The following WDR64 variants were observed in gnomAD, a reference collection of about 807,000 sequenced individuals.
The protein encoded by WDR64 is WD repeat domain 64, also known as WD repeat-containing protein 64.
In WDR64, 112 loss-of-function variants were observed where a neutral mutation model predicts 139.3. The observed-to-expected ratio is 0.80, with a 90% CI of 0.69 to 0.94. The LOEUF is 0.94. Among genes scored for constraint, WDR64 ranks in the 40% least tolerant of loss-of-function variants. The pLI, the probability that WDR64 is intolerant of heterozygous loss-of-function variation, is 0.00. For missense variants in WDR64, 1,206 were observed against 1,293.1 expected (o/e 0.93, Z 1.03); for synonymous variants, 444 against 437.7 (o/e 1.01, Z -0.18).
chr1:241,742,956 A>G (rs1285837049), intron 12 of WDR64, among the ~76,000 whole-genome samples: 1 of 152,150 alleles, frequency 6.6e-6, no homozygotes, highest in Non-Finnish European at 1.5e-5. Flanking sequence ...CATGCCCTCC[A>G]AAAGGAGACG....
At chr1:241,763,961 C>T (rs926286417) in intron 15 of WDR64, among the ~76,000 whole-genome samples, 1 of 152,098 alleles carries the variant, frequency 6.6e-6, no homozygotes, top group African/African-American at 2.4e-5. Flanking sequence ...AAAGAACTAT[C>T]AGGAGTTAGC....
At position 241,675,278 on chromosome 1, in the gene WDR64, C is replaced by T. The variant is rs568789592; in HGVS notation, c.483+531C>T. On this transcript the variant is annotated intron_variant, in intron 4 of 27. Transcript: ENST00000437684. ...TTCCTCCCTCCCTTCCTCCCTTCCT[C>T]TCTCTCCTCCTCCCCTCCTCTCTTC... Among the ~76,000 whole-genome samples the T allele has an allele frequency of 2.4e-3, 315 of 131,160 alleles. 1 individual carries two copies. The highest frequency in any genetic ancestry group is 8.9e-3 in the African/African-American group (300 of 33,672). 86.0% of individuals were successfully genotyped at this position (131,160 alleles called of 152,430 possible). A position where few individuals can be genotyped will look rare whatever the true frequency, so the allele number is the denominator to read the frequency against.
chr1:241,683,864 T>TACACACACAC (rs11473073), intron 7 of WDR64, among the ~76,000 whole-genome samples, 163 bp downstream of exon 7: 2,695 of 145,526 alleles, frequency 0.019, 25 homozygotes, highest in East Asian at 0.039. Context: ...TGTTCATGTA[T>TACACACACAC]ACACACACAC....
At chr1:241,749,788 G>A in intron 14 of WDR64, 66 bp downstream of exon 14, 3 of 1,550,020 alleles carry the variant, frequency 1.9e-6, no homozygotes, top group Non-Finnish European at 2.6e-6. Flanking sequence ...TGAGTCAGTG[G>A]ATAATCCCCA....
intron 4 of WDR64, chr1:241,677,423 T>C (rs1451092813): frequency 2.5e-6 from 1 of 398,496 alleles, no homozygotes; most frequent in African/African-American, 2.1e-5. Context: ...GCTTTAGTGA[T>C]CTCTCTGATC....
intron 8 of WDR64, among the ~76,000 whole-genome samples, chr1:241,690,049 G>C (rs1034740911): frequency 6.6e-5 from 10 of 152,090 alleles, no homozygotes; most frequent in African/African-American, 2.4e-4. Flanking sequence ...TAATGACTAA[G>C]AATGTCCACA....
chr1:241,727,644 C>T (rs1012804615), intron 10 of WDR64, among the ~76,000 whole-genome samples: 6 of 152,194 alleles, frequency 3.9e-5, no homozygotes, highest in African/African-American at 1.4e-4. Context: ...CAAGGAGGAC[C>T]AGGGCCCTGC....
intron 3 of WDR64, among the ~76,000 whole-genome samples, chr1:241,672,994 C>G (rs1002648710): frequency 3.3e-5 from 5 of 152,088 alleles, no homozygotes; most frequent in African/African-American, 1.2e-4. Flanking sequence ...TCTTTTCCAG[C>G]TTCTGCATTT....
At chr1:241,676,317 A>G (rs1282088037) in intron 4 of WDR64, 1 of 152,224 alleles carries the variant, frequency 6.6e-6, no homozygotes, top group Non-Finnish European at 1.5e-5. Flanking sequence ...TTGCTGTTTA[A>G]GTGAGTTAAT....
chr1:241,663,314 C>T (rs1665904107), intron 2 of WDR64, among the ~76,000 whole-genome samples: 1 of 152,254 alleles, frequency 6.6e-6, no homozygotes, highest in South Asian at 2.1e-4. Context: ...TGACCCCCGT[C>T]CCTTCTTTTG....
intron 10 of WDR64, among the ~76,000 whole-genome samples, chr1:241,728,834 T>TTG (rs921105666): frequency 2.0e-5 from 3 of 150,234 alleles, no homozygotes; most frequent in African/African-American, 4.9e-5. Context: ...TTTTTTTTTT[T>TTG]CTATGAAGGG....
intron 10 of WDR64, among the ~76,000 whole-genome samples, chr1:241,738,009 TACAAAG>T (rs1023644783): frequency 6.6e-6 from 1 of 152,170 alleles, no homozygotes; most frequent in Non-Finnish European, 1.5e-5. Flanking sequence ...TCATCCATAA[TACAAAG>T]AGAAATGTGA....
chr1:241,709,518 G>A (rs1227778996), intron 8 of WDR64, among the ~76,000 whole-genome samples: 2 of 152,146 alleles, frequency 1.3e-5, no homozygotes, highest in African/African-American at 4.8e-5. Context: ...GGAGGTTGAG[G>A]CAGGAGGATC....
Position 241,769,490 on chromosome 1 carries a change from C to T in WDR64, c.2168C>T (p.Thr723Ile), listed in dbSNP as rs1316264367. The T allele has an allele frequency of 3.9e-6, 6 of 1,551,190 alleles. No homozygotes were observed. In the Admixed American group the frequency reaches 9.8e-5, roughly 25 times the overall value. ...AATGACATACTGTTCCTCTTTCGTACCCCTGAATGTGCAAGGTAACTCGTT... is the reference window on the plus strand; with the variant it reads ...AATGACATACTGTTCCTCTTTCGTATCCCTGAATGTGCAAGGTAACTCGTT... ...KINDILFLFR[T>I]PECARRSSQD... is the part of the protein sequence containing the mutation. The change falls in exon 17 of 28, where the codon ACC (threonine) becomes ATC (isoleucine). Residue 723 changes from threonine to isoleucine, a missense_variant. Coordinates refer to ENST00000437684, the MANE Select transcript of WDR64 (RefSeq NM_001367482.1).
chr1:241,778,739 G>A (rs1658748053), intron 21 of WDR64, among the ~76,000 whole-genome samples: 1 of 151,982 alleles, frequency 6.6e-6, no homozygotes, highest in South Asian at 2.1e-4. Context: ...ATTAGCCTGT[G>A]CCTATTTTCA....
At chr1:241,683,846 A>G in intron 7 of WDR64, 145 bp downstream of exon 7, 2 of 623,182 alleles carry the variant, frequency 3.2e-6, no homozygotes, top group East Asian at 3.3e-5. Flanking sequence ...ACAATTAATT[A>G]TAGTCATTGT....
chr1:241,732,474 C>T (rs1574051209), intron 10 of WDR64, among the ~76,000 whole-genome samples: 3 of 152,198 alleles, frequency 2.0e-5, no homozygotes, highest in Admixed American at 2.0e-4. Context: ...GTTGTATCTT[C>T]TTATAAATCA....
At position 241,795,995 on chromosome 1, in the gene WDR64, C is replaced by T. The variant is rs76794810; in HGVS notation, c.3079-262C>T. Among the ~76,000 whole-genome samples, 253 of 152,150 alleles carry T rather than the reference C, an allele frequency of 1.7e-3. 1 individual carries two copies. Among genetic ancestry groups the T allele is most frequent in the African/African-American group, 5.9e-3 (247 of 41,516 alleles). On this transcript the variant is annotated intron_variant, in intron 26 of 27. Transcript: ENST00000437684. ...GAATGCAGTGTCTCACACCTGTAAC[C>T]CTGGGATTTTGGGAGGCAGAGGCAA...
chr1:241,701,799 TAG>T (rs1667721313), intron 8 of WDR64, among the ~76,000 whole-genome samples: 1 of 152,238 alleles, frequency 6.6e-6, no homozygotes, highest in Non-Finnish European at 1.5e-5. Flanking sequence ...ACTGCCATTG[TAG>T]AGTCATCTCA....
Sources: gnomAD v4.1 joint callset for allele counts (sites outside exome capture counted in the v4.1 genomes callset) on GRCh38, gnomAD v4.1.1 for gene constraint, MANE v1.5 for transcripts, NCBI Gene and HGNC (gene_info 2026-07-23, HGNC 2026-07-21) for gene names.